Variants in MTCL1 observed in about 807,000 individuals in gnomAD.
The protein encoded by MTCL1 is microtubule cross-linking factor 1.
In MTCL1, 79 loss-of-function variants were observed where a neutral mutation model predicts 141.4. That is an observed-to-expected ratio of 0.56 (90% CI 0.47 to 0.67). The LOEUF (loss-of-function observed/expected upper bound fraction) is 0.67, where lower values mean the gene tolerates loss of function less well. MTCL1 is among the 30% of genes least tolerant of loss of function. MTCL1 has a pLI of 0.00. For missense variants in MTCL1, 2,177 were observed against 2,113.9 expected (o/e 1.03, Z -0.59); for synonymous variants, 914 against 875.8 (o/e 1.04, Z -0.77).
At chr18:8,814,012 A>G (rs576270334) in intron 12 of MTCL1, among the ~76,000 whole-genome samples, 87 of 152,304 alleles carry the variant, frequency 5.7e-4, no homozygotes, top group African/African-American at 2.1e-3. Flanking sequence ...CCAGTCACAC[A>G]CTTATAAATT....
At chr18:8,718,466 G>A in exon 3 of MTCL1, 1 of 1,614,222 alleles carries the variant, frequency 6.2e-7, no homozygotes, top group Non-Finnish European at 8.5e-7. Context: ...AGAGATGAGA[G>A]ACAGTTATTT....
chr18:8,823,175 C>T (rs2076903216), intron 14 of MTCL1, among the ~76,000 whole-genome samples: 1 of 152,206 alleles, frequency 6.6e-6, no homozygotes, highest in Non-Finnish European at 1.5e-5. Context: ...CAAGCGCCTA[C>T]ACATGCTCCA....
intron 15 of MTCL1, among the ~76,000 whole-genome samples, chr18:8,827,467 T>C (rs2077062102): frequency 1.3e-5 from 2 of 152,238 alleles, no homozygotes; most frequent in Non-Finnish European, 2.9e-5. Flanking sequence ...ATATTGATAC[T>C]ACATGGCCTA....
chr18:8,801,553 A>C (rs1170137608), intron 10 of MTCL1: 1 of 152,118 alleles, frequency 6.6e-6, no homozygotes. Flanking sequence ...CCCCTGCGTG[A>C]GGTAAAAATT....
At chr18:8,736,642 T>TC (rs1391980627) in intron 4 of MTCL1, among the ~76,000 whole-genome samples, 1 of 149,832 alleles carries the variant, frequency 6.7e-6, no homozygotes, top group African/African-American at 2.5e-5. Flanking sequence ...TGTATTTTTT[T>TC]TTTTTTTTTT....
chr18:8,798,303 G>T lies in MTCL1; in HGVS notation c.2436+12G>T. On this transcript the variant is annotated intron_variant, in intron 10 of 16. Coordinates refer to ENST00000359865, the Ensembl canonical transcript of MTCL1. ...AGCCCCACAAACAGGTGGGTACCTC[G>T]ACCCGAGCCTGTCGCCCTGCCCACA... The T allele has an allele frequency of 6.7e-7, 1 of 1,500,468 alleles. No homozygotes were observed. The highest frequency in any genetic ancestry group is 1.4e-5 in the African/African-American group (1 of 69,494). 92.9% of individuals were successfully genotyped at this position (1,500,468 alleles called of 1,614,324 possible).
chr18:8,819,056 C>T lies in MTCL1; in HGVS notation c.2953C>T (p.Arg985Cys), dbSNP rs1240061406. ...CCCCTTTCCCCACCAGGGAAGCCTC[C>T]GCATGCCCCGTCCAGTGGCCATGTG... Residue 985 changes from arginine (R) to cysteine (C), a missense_variant, in exon 13 of 17, where the codon CGC (arginine) becomes TGC (cysteine). Coordinates refer to ENST00000359865, the Ensembl canonical transcript of MTCL1. The T allele has an allele frequency of 7.4e-6, 12 of 1,614,140 alleles. No homozygotes were observed. In the South Asian group the frequency reaches 7.7e-5, roughly 10 times the overall value.
intron 16 of MTCL1, chr18:8,829,021 G>A (rs35592049): frequency 7.4e-6 from 12 of 1,612,908 alleles, no homozygotes; most frequent in Admixed American, 6.7e-5. Flanking sequence ...TGTGTAACTC[G>A]CAGTTGGCAC....
intron 4 of MTCL1, among the ~76,000 whole-genome samples, chr18:8,764,742 C>T (rs2096451595): frequency 6.6e-6 from 1 of 152,212 alleles, no homozygotes; most frequent in Non-Finnish European, 1.5e-5. Flanking sequence ...GTAGCCTGGG[C>T]ACTTTCACAT....
intron 7 of MTCL1, 37 bp from the exon 7 acceptor site, chr18:8,792,961 A>T (rs370953088): frequency 1.2e-6 from 2 of 1,609,846 alleles, no homozygotes; most frequent in Non-Finnish European, 1.7e-6. Flanking sequence ...CAGAGTTCTC[A>T]TTTCCACTAA....
At chr18:8,817,319 C>T (rs2076688991) in intron 12 of MTCL1, among the ~76,000 whole-genome samples, 1 of 130,134 alleles carries the variant, frequency 7.7e-6, no homozygotes, top group Non-Finnish European at 1.6e-5. Context: ...AGAACTGTGT[C>T]ATCATCAGGG....
At chr18:8,808,466 T>C (rs647097) in intron 11 of MTCL1, among the ~76,000 whole-genome samples, 47,561 of 151,750 alleles carry the variant, frequency 0.31, 7,798 homozygotes, top group East Asian at 0.45. Context: ...TCAGGGAGAG[T>C]GTCCCTAAAT....
intron 10 of MTCL1, chr18:8,802,449 GATTTCACCTGCTGAAATCTT>G (rs1314232872): frequency 6.6e-6 from 1 of 152,194 alleles, no homozygotes; most frequent in Non-Finnish European, 1.5e-5. Flanking sequence ...GTGGAGCTGT[GATTTCACCTGCTGAAATCTT>G]AGAAATCTTA....
chr18:8,707,036 G>A (rs1169672852), intron 1 of MTCL1: 3 of 266,552 alleles, frequency 1.1e-5, no homozygotes, highest in Non-Finnish European at 2.1e-5. Context: ...ATCAGCGGAC[G>A]CCCCCATCCC....
chr18:8,709,490 C>T (rs1309632457), intron 1 of MTCL1, among the ~76,000 whole-genome samples: 1 of 152,088 alleles, frequency 6.6e-6, no homozygotes, highest in Non-Finnish European at 1.5e-5. Context: ...CTCTGTGCCT[C>T]GTGGGGTACT....
chr18:8,709,896 G>C (rs1032072948), intron 1 of MTCL1, among the ~76,000 whole-genome samples: 4 of 152,124 alleles, frequency 2.6e-5, no homozygotes, highest in African/African-American at 9.7e-5. Flanking sequence ...CTGGAATGCA[G>C]TGGCGTGATC....
At chr18:8,759,707 G>GA (rs750583033) in intron 4 of MTCL1, among the ~76,000 whole-genome samples, 10 of 152,152 alleles carry the variant, frequency 6.6e-5, no homozygotes, top group Non-Finnish European at 8.8e-5. Context: ...TAAATTTCCA[G>GA]AAAAAAGTGT....
chr18:8,795,772 G>A (rs555959993), intron 8 of MTCL1, among the ~76,000 whole-genome samples: 92 of 152,274 alleles, frequency 6.0e-4, no homozygotes, highest in African/African-American at 2.1e-3. Context: ...TTCTGTCGGG[G>A]CTGTGGGGAG....
intron 4 of MTCL1, among the ~76,000 whole-genome samples, chr18:8,772,683 A>G (rs920938231): frequency 6.6e-5 from 10 of 151,556 alleles, no homozygotes; most frequent in African/African-American, 2.4e-4. Flanking sequence ...AAAGTATGTT[A>G]TATCTTAAAT....
Sources: allele counts gnomAD v4.1 joint callset (sites outside exome capture counted in the v4.1 genomes callset), GRCh38; gene constraint gnomAD v4.1.1; transcripts MANE v1.5; gene names NCBI Gene and HGNC (gene_info 2026-07-23, HGNC 2026-07-21).